Variants in SLC24A3 observed in about 807,000 individuals in gnomAD.
SLC24A3 encodes sodium/potassium/calcium exchanger 3.
In SLC24A3, 28 loss-of-function variants were observed where a neutral mutation model predicts 75.8. The ratio of observed to expected loss-of-function variants is 0.37; its 90% CI spans 0.27 to 0.51. The LOEUF is 0.51. SLC24A3 is among the 20% of genes least tolerant of loss of function. SLC24A3 has a pLI of 0.94. For synonymous variants in SLC24A3, 372 were observed against 334.1 expected (o/e 1.11, Z -1.24); for missense variants, 663 against 847.8 (o/e 0.78, Z 2.71).
intron 6 of SLC24A3, among the ~76,000 whole-genome samples, chr20:19,625,210 C>T (rs2031853027): frequency 6.6e-6 from 1 of 152,116 alleles, no homozygotes; most frequent in Non-Finnish European, 1.5e-5. Flanking sequence ...GAATAGACTC[C>T]ACCTCTTGAT....
At chr20:19,639,245 A>G (rs1326800723) in intron 6 of SLC24A3, among the ~76,000 whole-genome samples, 10 of 152,196 alleles carry the variant, frequency 6.6e-5, no homozygotes, top group Non-Finnish European at 1.2e-4. Context: ...CAGAGTGTCA[A>G]TTGGTGCATT....
In SLC24A3 at chr20:19,237,617, C is replaced by T. The variant is rs1460837601; in HGVS notation, c.142+24633C>T. Among the ~76,000 whole-genome samples the T allele has an allele frequency of 2.0e-5, 3 of 152,164 alleles. No individual in the cohort carries two copies. The East Asian group carries it at 5.8e-4, about 29-fold the overall frequency. ...ATCTGGGCTCTGAGCTGATCCTTCCCCTGCTCTCCATGCATAGGACCTGTC... is the reference window on the plus strand; with the variant it reads ...ATCTGGGCTCTGAGCTGATCCTTCCTCTGCTCTCCATGCATAGGACCTGTC... On this transcript the variant is annotated intron_variant, in intron 1 of 16. Coordinates refer to ENST00000328041, the MANE Select transcript of SLC24A3 (RefSeq NM_020689.4).
At chr20:19,651,453 G>A (rs1954486986) in intron 6 of SLC24A3, among the ~76,000 whole-genome samples, 1 of 149,788 alleles carries the variant, frequency 6.7e-6, no homozygotes, top group African/African-American at 2.4e-5. Flanking sequence ...AATTTCTAGG[G>A]TCTGTTCTTT....
intron 2 of SLC24A3, among the ~76,000 whole-genome samples, chr20:19,335,166 T>G (rs1023946579): frequency 1.3e-5 from 2 of 152,186 alleles, no homozygotes; most frequent in African/African-American, 4.8e-5. Flanking sequence ...CCATCATGGA[T>G]AGTGAAAGTC....
At chr20:19,323,205 CAAAAA>C (rs1172583632) in intron 2 of SLC24A3, among the ~76,000 whole-genome samples, 1 of 61,128 alleles carries the variant, frequency 1.6e-5, no homozygotes, top group Admixed American at 1.8e-4. Context: ...GACTCCGTCT[CAAAAA>C]AAAAAAAAAA....
intron 6 of SLC24A3, among the ~76,000 whole-genome samples, chr20:19,598,928 A>G (rs1289368300): frequency 6.6e-6 from 1 of 152,010 alleles, no homozygotes; most frequent in African/African-American, 2.4e-5. Context: ...ACACGCACAC[A>G]CACACCTTTC....
chr20:19,501,218 C>T (rs530240905), intron 2 of SLC24A3, among the ~76,000 whole-genome samples: 1 of 152,256 alleles, frequency 6.6e-6, no homozygotes, highest in South Asian at 2.1e-4. Context: ...ACTTCCTGTC[C>T]ACTTTCCCTC....
chr20:19,500,190 T>C lies in SLC24A3; in HGVS notation c.272-15298T>C, dbSNP rs984473429. ...AACCTGTATCCTTGGAAAGAACCAT[T>C]TACCTGAAATTGTTGAGAAAAAGCC... is the stretch of plus-strand genomic sequence containing the variant. On this transcript the variant is annotated intron_variant, in intron 2 of 16. Coordinates refer to ENST00000328041, the MANE Select transcript of SLC24A3 (RefSeq NM_020689.4). Among the ~76,000 whole-genome samples, 8 of 152,264 alleles carry C rather than the reference T, an allele frequency of 5.3e-5. No homozygotes were observed. The East Asian group carries it at 1.5e-3, about 29-fold the overall frequency.
chr20:19,298,609 G>T (rs1050041351), intron 2 of SLC24A3, among the ~76,000 whole-genome samples: 9 of 151,060 alleles, frequency 6.0e-5, no homozygotes, highest in African/African-American at 2.2e-4. Flanking sequence ...GCTCAAAACA[G>T]GTCAAAAAAG....
intron 2 of SLC24A3, among the ~76,000 whole-genome samples, chr20:19,381,308 C>G (rs1238582429): frequency 6.6e-6 from 1 of 151,932 alleles, no homozygotes; most frequent in African/African-American, 2.4e-5. Flanking sequence ...GGAGAATAAA[C>G]AAATAAAATT....
chr20:19,702,843 A>G (rs1298862699), intron 15 of SLC24A3, among the ~76,000 whole-genome samples: 1 of 152,176 alleles, frequency 6.6e-6, no homozygotes, highest in African/African-American at 2.4e-5. Flanking sequence ...AGGAGATTTC[A>G]TTTTGAGCTT....
chr20:19,284,202 A>T (rs1181650173), intron 2 of SLC24A3: 1 of 152,912 alleles, frequency 6.5e-6, no homozygotes, highest in African/African-American at 2.4e-5. Flanking sequence ...TTATGAAAAA[A>T]GTTGAGAGCC....
At chr20:19,660,583 G>A (rs1448878942) in intron 7 of SLC24A3, among the ~76,000 whole-genome samples, 1 of 152,114 alleles carries the variant, frequency 6.6e-6, no homozygotes, top group Non-Finnish European at 1.5e-5. Flanking sequence ...ACTGTGAATT[G>A]TGCTGTGATA....
intron 15 of SLC24A3, among the ~76,000 whole-genome samples, chr20:19,704,893 G>C (rs1401061538): frequency 6.6e-6 from 1 of 152,044 alleles, no homozygotes; most frequent in Non-Finnish European, 1.5e-5. Context: ...ATCCAATATA[G>C]TTCTTAGCTC....
chr20:19,529,871 C>T (rs1300591069), intron 3 of SLC24A3, among the ~76,000 whole-genome samples: 1 of 152,142 alleles, frequency 6.6e-6, no homozygotes, highest in African/African-American at 2.4e-5. Context: ...AAATTTGATT[C>T]CACTCTTTGC....
intron 2 of SLC24A3, among the ~76,000 whole-genome samples, chr20:19,350,556 G>T (rs1424479439): frequency 6.6e-6 from 1 of 152,100 alleles, no homozygotes; most frequent in African/African-American, 2.4e-5. Flanking sequence ...TTGCCACTAC[G>T]CCTGCCAGAC....
intron 3 of SLC24A3, among the ~76,000 whole-genome samples, chr20:19,538,785 A>T (rs969934045): frequency 3.3e-5 from 5 of 152,216 alleles, no homozygotes; most frequent in Non-Finnish European, 7.3e-5. Context: ...ACAGAAATTC[A>T]TATATACATG....
At chr20:19,517,507 A>G (rs898486676) in intron 3 of SLC24A3, among the ~76,000 whole-genome samples, 1 of 152,200 alleles carries the variant, frequency 6.6e-6, no homozygotes, top group Non-Finnish European at 1.5e-5. Flanking sequence ...TAAAGGCAAC[A>G]TGGACACAAA....
chr20:19,420,615 A>G (rs1986902168), intron 2 of SLC24A3, among the ~76,000 whole-genome samples: 1 of 48,804 alleles, frequency 2.0e-5, no homozygotes, highest in Admixed American at 2.2e-4. Context: ...TCATAATTTC[A>G]TAATTTCATA....
Sources: allele counts gnomAD v4.1 joint callset (sites outside exome capture counted in the v4.1 genomes callset), GRCh38; gene constraint gnomAD v4.1.1; transcripts MANE v1.5; gene names NCBI Gene and HGNC (gene_info 2026-07-23, HGNC 2026-07-21).